Variants in RAC2 observed in about 807,000 individuals in gnomAD.
RAC2 encodes the protein Rac family small GTPase 2.
In RAC2, 1 loss-of-function variant was observed where a neutral mutation model predicts 24.0. That is an observed-to-expected ratio of 0.04 (90% CI 0.01 to 0.20). RAC2 has a LOEUF of 0.20. RAC2 is among the 10% of genes least tolerant of loss of function. RAC2 has a pLI of 1.00. For synonymous variants in RAC2, 114 were observed against 106.8 expected (o/e 1.07, Z -0.41); for missense variants, 130 against 259.1 (o/e 0.50, Z 3.42).
intron 3 of RAC2, 141 bp downstream of exon 3, chr22:37,232,660 T>G: frequency 1.4e-6 from 1 of 712,536 alleles, no homozygotes; most frequent in Non-Finnish European, 2.5e-6. Context: ...GCCTGGGACA[T>G]GCAAGGCAGG....
chr22:37,227,880 C>G (rs967641387), intron 5 of RAC2, among the ~76,000 whole-genome samples: 1 of 152,138 alleles, frequency 6.6e-6, no homozygotes, highest in Non-Finnish European at 1.5e-5. Context: ...CAGGGCAGGT[C>G]TGTGTCTTTC....
At chr22:37,240,709 T>G in intron 2 of RAC2, 1 of 372,782 alleles carries the variant, frequency 2.7e-6, no homozygotes. Context: ...AGAGATCAGA[T>G]AAAGTCACTC....
chr22:37,236,928 C>T (rs1030263805), intron 2 of RAC2, among the ~76,000 whole-genome samples: 3 of 152,136 alleles, frequency 2.0e-5, no homozygotes, highest in East Asian at 1.9e-4. Flanking sequence ...CGGTGGCTCA[C>T]GCCTGTAATC....
intron 2 of RAC2, among the ~76,000 whole-genome samples, chr22:37,234,226 A>G (rs916219443): frequency 6.6e-6 from 1 of 152,202 alleles, no homozygotes; most frequent in Non-Finnish European, 1.5e-5. Flanking sequence ...AATATCAGAG[A>G]CGGGGAAGCC....
In RAC2 at chr22:37,244,229, G is replaced by T; in HGVS notation, c.-81C>A. The T allele has an allele frequency of 1.3e-6, 2 of 1,523,906 alleles. No individual in the cohort carries two copies. The highest frequency in any genetic ancestry group is 1.8e-6 in the Non-Finnish European group (2 of 1,110,546). 94.4% of individuals were successfully genotyped at this position (1,523,906 alleles called of 1,614,324 possible). On this transcript the variant is annotated 5_prime_UTR_variant, in exon 1 of 7. Transcript: ENST00000249071. ...TGCGGGCGCAAGGGGTGTGGAGGCT[G>T]GTGAGGCGCCTGCTGAGGAGCAGCG... is the stretch of plus-strand genomic sequence containing the variant.
intron 5 of RAC2, among the ~76,000 whole-genome samples, chr22:37,227,501 G>C (rs2032481): frequency 1.8e-3 from 7 of 3,806 alleles, no homozygotes; most frequent in Non-Finnish European, 2.8e-3. Flanking sequence ...TCCCTCCCAC[G>C]CCTCCCATGC....
rs1926849422 is a variant in RAC2 at position 37,226,823 on chromosome 22, G to T, written c.449-20C>A. ...CCGAGTCTGGTTGGGGAGATGGACA[G>T]GAGAGCCAAGGCCTAAGTGGCGGGG... On this transcript the variant is annotated intron_variant, in intron 5 of 6. Coordinates refer to ENST00000249071, the MANE Select transcript of RAC2 (RefSeq NM_002872.5). The T allele has an allele frequency of 1.9e-6, 3 of 1,609,728 alleles. No individual in the cohort carries two copies. Among genetic ancestry groups the T allele is most frequent in the South Asian group, 2.2e-5 (2 of 90,992 alleles).
At position 37,231,166 on chromosome 22, in the gene RAC2, C is replaced by T. The variant is rs1927047183; in HGVS notation, c.448+65G>A. 4 of 1,588,654 alleles carry T rather than the reference C, an allele frequency of 2.5e-6. No individual in the cohort carries two copies. In the Admixed American group the frequency reaches 5.0e-5, roughly 20 times the overall value. ...GCCCTGCAGCCCGTGTTTACAATCA[C>T]ACCACGAGGCCAAGTCAGGGCCTCC... On this transcript the variant is annotated intron_variant, in intron 5 of 6. Coordinates refer to ENST00000249071, the MANE Select transcript of RAC2 (RefSeq NM_002872.5). The surrounding 1 kb of genome is among the most constrained non-coding windows in gnomAD (Gnocchi z 5.5).
intron 5 of RAC2, among the ~76,000 whole-genome samples, chr22:37,228,965 G>T (rs1926972018): frequency 6.6e-6 from 1 of 152,216 alleles, no homozygotes; most frequent in African/African-American, 2.4e-5. Context: ...CCTGAGCTCA[G>T]CCCGGAGTCT....
chr22:37,231,168 C>A lies in RAC2; in HGVS notation c.448+63G>T, dbSNP rs1927047269. 1 of 1,591,954 alleles carries A rather than the reference C, an allele frequency of 6.3e-7. No homozygotes were observed. The highest frequency in any genetic ancestry group is 1.7e-5 in the Admixed American group (1 of 59,944). On this transcript the variant is annotated intron_variant, in intron 5 of 6. Coordinates refer to ENST00000249071, the MANE Select transcript of RAC2 (RefSeq NM_002872.5). The surrounding 1 kb of genome is among the most constrained non-coding windows in gnomAD (Gnocchi z 5.5). ...CCTGCAGCCCGTGTTTACAATCACA[C>A]CACGAGGCCAAGTCAGGGCCTCCCC...
chr22:37,225,608 A>G lies in RAC2; in HGVS notation c.*434T>C, dbSNP rs1015867584. The G allele has an allele frequency of 1.3e-5, 2 of 152,186 alleles. No homozygotes were observed. The highest frequency in any genetic ancestry group is 1.3e-4 in the Admixed American group (2 of 15,272). 9.4% of individuals were successfully genotyped at this position (152,186 alleles called of 1,614,324 possible). On this transcript the variant is annotated 3_prime_UTR_variant, in exon 7 of 7. Transcript: ENST00000249071. ...TGGCAAGCAGGACCATCGATATTAG[A>G]GCAGCTGGCCTCAGGAGGGAGTAAG...
intron 2 of RAC2, among the ~76,000 whole-genome samples, chr22:37,237,145 C>T (rs1927247652): frequency 6.6e-6 from 1 of 150,714 alleles, no homozygotes; most frequent in Non-Finnish European, 1.5e-5. Context: ...GCCGAGATCG[C>T]ACCACTGCAC....
rs113618210 is a variant in RAC2, at chr22:37,241,661, G to A, written c.36-3C>T. 1.2e-6 allele frequency: 2 copies of A among 1,613,604 alleles called. No individual in the cohort carries two copies. On this transcript the variant is annotated splice_polypyrimidine_tract_variant and splice_region_variant and intron_variant, in intron 1 of 6. Coordinates refer to ENST00000249071, the MANE Select transcript of RAC2 (RefSeq NM_002872.5). ...GAAGGCAGGTCTTGCCCACGGCCCT[G>A]AAAGACAGGAAGTGCAAGAGGGCGG...
At position 37,236,887 on chromosome 22, in the gene RAC2, AT is replaced by A. The variant is rs1228123898; in HGVS notation, c.108-3970del. ...AGCCAGGCAGAGGTGATGAGATCAG[AT>A]TTGCATTTATAAAAGGTCCCAGCTG... On this transcript the variant is annotated intron_variant, in intron 2 of 6. Transcript: ENST00000249071. Among the ~76,000 whole-genome samples the A allele has an allele frequency of 7.2e-5, 11 of 152,192 alleles. No homozygotes were observed. The East Asian group carries it at 2.1e-3, about 29-fold the overall frequency.
At chr22:37,234,619 C>G (rs1462629875) in intron 2 of RAC2, among the ~76,000 whole-genome samples, 1 of 152,178 alleles carries the variant, frequency 6.6e-6, no homozygotes, top group Non-Finnish European at 1.5e-5. Flanking sequence ...CTACTCCTCC[C>G]CTCGCACACC....
At chr22:37,230,114 A>G (rs775196390) in intron 5 of RAC2, among the ~76,000 whole-genome samples, 2 of 152,140 alleles carry the variant, frequency 1.3e-5, no homozygotes, top group Non-Finnish European at 2.9e-5. Context: ...GGACAGGGGA[A>G]GGGAGCCAGG....
Position 37,231,222 on chromosome 22 carries a change from G to C in RAC2, c.448+9C>G. ...AGCCAGATCGCCCCTCTGAGCCCGA[G>C]GCCCATACCAATCTCCTTGGCCAGT... is the stretch of plus-strand genomic sequence containing the variant. On this transcript the variant is annotated intron_variant, in intron 5 of 6. Transcript: ENST00000249071. This position sits in a 1 kb window ranked among gnomAD's most constrained non-coding sequence, Gnocchi z 5.5. 1.2e-6 allele frequency: 2 copies of C among 1,612,996 alleles called. No individual in the cohort carries two copies. Among genetic ancestry groups the C allele is most frequent in the Non-Finnish European group, 1.7e-6 (2 of 1,179,976 alleles).
chr22:37,233,534 C>T (rs571462402), intron 2 of RAC2, among the ~76,000 whole-genome samples: 2 of 152,342 alleles, frequency 1.3e-5, no homozygotes, highest in African/African-American at 4.8e-5. Context: ...CCGCCCGCCT[C>T]GGCCTCTCAA....
At chr22:37,238,573 C>T (rs1032918964) in intron 2 of RAC2, among the ~76,000 whole-genome samples, 1 of 152,186 alleles carries the variant, frequency 6.6e-6, no homozygotes, top group Non-Finnish European at 1.5e-5. Flanking sequence ...CCAGGGCTTC[C>T]GTCGAGCTTG....
Sources: gnomAD v4.1 joint callset for allele counts (sites outside exome capture counted in the v4.1 genomes callset) on GRCh38, gnomAD v4.1.1 for gene constraint, Gnocchi (gnomAD v3.1) non-coding constraint, MANE v1.5 for transcripts, NCBI Gene and HGNC (gene_info 2026-07-23, HGNC 2026-07-21) for gene names.